Variants in NOX4 observed in about 807,000 individuals in gnomAD.
NOX4 encodes the protein kidney oxidase-1.
A neutral mutation model predicts 87.6 loss-of-function variants in NOX4; 69 were observed. The observed-to-expected ratio is 0.79, with a 90% CI of 0.65 to 0.96. NOX4 has a LOEUF of 0.96. Among genes scored for constraint, NOX4 ranks in the 40% least tolerant of loss-of-function variants. NOX4 has a pLI of 0.00. For synonymous variants in NOX4, 275 were observed against 238.2 expected (o/e 1.15, Z -1.42); for missense variants, 680 against 681.5 (o/e 1.00, Z 0.02).
the NOX4 span, among the ~76,000 whole-genome samples, chr11:89,521,380 C>T: frequency 6.6e-6 from 1 of 151,982 alleles, no homozygotes; most frequent in Non-Finnish European, 1.5e-5. Context: ...TAAAGCCACC[C>T]ACCTATAGCC....
chr11:89,549,216 CTG>C, the NOX4 span, among the ~76,000 whole-genome samples: 68 of 152,292 alleles, frequency 4.5e-4, no homozygotes, highest in African/African-American at 1.6e-3. Flanking sequence ...AAAAATGTCA[CTG>C]TGTGTTATTA....
At chr11:89,381,673 T>A (rs1940293553) in intron 11 of NOX4, among the ~76,000 whole-genome samples, 1 of 145,806 alleles carries the variant, frequency 6.9e-6, no homozygotes, top group African/African-American at 2.5e-5. Flanking sequence ...ATGAGTGAAA[T>A]TTGGTGCTGT....
chr11:89,379,479 A>C (rs1940112543), intron 11 of NOX4, among the ~76,000 whole-genome samples: 3 of 152,150 alleles, frequency 2.0e-5, no homozygotes, highest in African/African-American at 7.2e-5. Flanking sequence ...ACCCAAAGAC[A>C]AGGAGACGTG....
At chr11:89,402,577 T>A in intron 8 of NOX4, 35 bp from the exon 9 acceptor site, 1 of 1,495,014 alleles carries the variant, frequency 6.7e-7, no homozygotes, top group South Asian at 1.1e-5. Flanking sequence ...AACAGAGAAA[T>A]GAAAAGATTT....
At chr11:89,520,612 G>A in the NOX4 span, among the ~76,000 whole-genome samples, 1 of 152,020 alleles carries the variant, frequency 6.6e-6, no homozygotes, top group Non-Finnish European at 1.5e-5. Context: ...GGCAAAAACT[G>A]GAAGCATTCC....
At chr11:89,401,432 T>A (rs1337694155) in intron 9 of NOX4, among the ~76,000 whole-genome samples, 1 of 152,094 alleles carries the variant, frequency 6.6e-6, no homozygotes, top group Non-Finnish European at 1.5e-5. Flanking sequence ...AGAGGATTAT[T>A]ATTAATAATA....
chr11:89,402,225 A>G, intron 9 of NOX4, 101 bp downstream of exon 9: 3 of 834,902 alleles, frequency 3.6e-6, no homozygotes, highest in Non-Finnish European at 5.9e-6. Flanking sequence ...GAAATATCCT[A>G]TTATGCATGA....
the NOX4 span, among the ~76,000 whole-genome samples, chr11:89,576,730 C>T: frequency 6.6e-6 from 1 of 152,046 alleles, no homozygotes; most frequent in Non-Finnish European, 1.5e-5. Context: ...TTTAATGTCA[C>T]ATTCATATAA....
upstream of NOX4, among the ~76,000 whole-genome samples, chr11:89,495,179 T>G (rs1462343666): frequency 6.6e-6 from 1 of 152,118 alleles, no homozygotes; most frequent in Non-Finnish European, 1.5e-5. Context: ...ATTTTGCCAT[T>G]TTGCCCAGGC....
At chr11:89,512,909 A>T in the NOX4 span, among the ~76,000 whole-genome samples, 1 of 152,124 alleles carries the variant, frequency 6.6e-6, no homozygotes, top group Admixed American at 6.6e-5. Flanking sequence ...GCACCACTGT[A>T]TGAGTAGCAT....
At chr11:89,514,855 C>A in the NOX4 span, among the ~76,000 whole-genome samples, 2 of 151,886 alleles carry the variant, frequency 1.3e-5, no homozygotes, top group South Asian at 4.1e-4. Flanking sequence ...TACATTTAAT[C>A]ATTTTATATG....
the NOX4 span, among the ~76,000 whole-genome samples, chr11:89,555,700 G>A: frequency 6.6e-6 from 1 of 151,988 alleles, no homozygotes; most frequent in Admixed American, 6.6e-5. Flanking sequence ...GAAGTACCAT[G>A]GACACCATTT....
At chr11:89,495,293 G>A (rs565724113), upstream of NOX4, among the ~76,000 whole-genome samples, 21 of 152,136 alleles carry the variant, frequency 1.4e-4, no homozygotes, top group Non-Finnish European at 2.1e-4. Flanking sequence ...CTTTTCTGAT[G>A]TGCTAAAGAG....
intron 8 of NOX4, among the ~76,000 whole-genome samples, chr11:89,413,422 G>C (rs1169344706): frequency 6.6e-6 from 1 of 152,134 alleles, no homozygotes. Flanking sequence ...AGATTTTGAA[G>C]CAACCTAAGT....
chr11:89,534,152 A>G, the NOX4 span: 1 of 152,252 alleles, frequency 6.6e-6, no homozygotes, highest in Non-Finnish European at 1.5e-5. Flanking sequence ...CAAGGCAGGA[A>G]GATGCCTAGA....
chr11:89,361,868 C>T (rs1170013551), intron 12 of NOX4, among the ~76,000 whole-genome samples: 1 of 152,040 alleles, frequency 6.6e-6, no homozygotes, highest in African/African-American at 2.4e-5. Context: ...ACTTGTTGCC[C>T]AGCTGTGGAG....
the NOX4 span, among the ~76,000 whole-genome samples, chr11:89,562,992 G>A: frequency 9.9e-5 from 15 of 152,082 alleles, no homozygotes; most frequent in African/African-American, 1.4e-4. Context: ...CTTCCCCTCC[G>A]CTCACGCTCT....
chr11:89,326,934 A>G, intron 17 of NOX4, 58 bp from the exon 18 acceptor site: 1 of 1,558,664 alleles, frequency 6.4e-7, no homozygotes, highest in Non-Finnish European at 8.8e-7. Flanking sequence ...GAACATGACA[A>G]GAAGTATGCT....
chr11:89,529,125 G>A, the NOX4 span, among the ~76,000 whole-genome samples: 2 of 152,116 alleles, frequency 1.3e-5, no homozygotes, highest in Non-Finnish European at 2.9e-5. Context: ...TCATAAATTT[G>A]ACTTTTGAGG....
Sources: allele counts gnomAD v4.1 joint callset (sites outside exome capture counted in the v4.1 genomes callset), GRCh38; gene constraint gnomAD v4.1.1; transcripts MANE v1.5; gene names NCBI Gene and HGNC (gene_info 2026-07-23, HGNC 2026-07-21).